Variants in PCDH11X observed in about 807,000 individuals in gnomAD.
The protein encoded by PCDH11X is protocadherin 11 X-linked.
In PCDH11X, 18 loss-of-function variants were observed where a neutral mutation model predicts 53.3. That is an observed-to-expected ratio of 0.34 (90% CI 0.23 to 0.50). PCDH11X has a LOEUF of 0.50. Ranked by LOEUF, PCDH11X falls within the 20% of genes least tolerant of loss-of-function variation. The pLI is 0.98. For synonymous variants in PCDH11X, 279 were observed against 393.3 expected, an observed-to-expected ratio of 0.71 and a Z score of 3.44; for missense variants, 570 against 1,032.4, an observed-to-expected ratio of 0.55 and a Z score of 6.14.
chrX:92,396,661 T>C (rs2071253203), intron 9 of PCDH11X, among the ~76,000 whole-genome samples: 1 of 106,743 alleles, frequency 9.4e-6, no homozygotes, highest in Non-Finnish European at 1.9e-5. Context: ...CTGGCCAACA[T>C]GGTGAAACCC....
chrX:92,534,161 T>G (rs1045048075), intron 10 of PCDH11X, among the ~76,000 whole-genome samples: 7 of 108,656 alleles, frequency 6.4e-5, no homozygotes, highest in African/African-American at 2.4e-4. Flanking sequence ...CTTGAAAAAA[T>G]ATTAGACGAA....
intron 6 of PCDH11X, chrX:92,113,866 ATGTCATAGATC>A: frequency 1.7e-6 from 2 of 1,203,191 alleles, no homozygotes; most frequent in Non-Finnish European, 1.1e-6. Context: ...CTTTTGGAAT[ATGTCATAGATC>A]TGGTCCTTGA....
intron 8 of PCDH11X, among the ~76,000 whole-genome samples, chrX:92,338,364 T>C (rs1266766162): frequency 1.9e-4 from 21 of 111,736 alleles, no homozygotes; most frequent in Non-Finnish European, 1.3e-4. Context: ...TTCGCAGCTG[T>C]GGACTGTCAC....
chrX:91,883,534 G>T (rs761412940), intron 6 of PCDH11X: 42 of 747,310 alleles, frequency 5.6e-5, no homozygotes, highest in Non-Finnish European at 6.6e-5. Context: ...GGCCGGGCGC[G>T]GTGGCTCACG....
intron 9 of PCDH11X, among the ~76,000 whole-genome samples, chrX:92,401,118 C>A (rs2071379191): frequency 9.3e-6 from 1 of 107,967 alleles, no homozygotes; most frequent in Middle Eastern, 4.7e-3. Flanking sequence ...ATAGCACCAG[C>A]AATAATAAAT....
chrX:92,061,362 T>C (rs2063522391), intron 6 of PCDH11X, among the ~76,000 whole-genome samples: 2 of 111,830 alleles, frequency 1.8e-5, no homozygotes, highest in South Asian at 7.4e-4. Flanking sequence ...AACTTTTGAT[T>C]TATTTCATTT....
At chrX:91,782,505 A>G (rs1935185021) in intron 1 of PCDH11X, among the ~76,000 whole-genome samples, 1 of 111,178 alleles carries the variant, frequency 9.0e-6, no homozygotes, top group Non-Finnish European at 1.9e-5. Context: ...CTCTTTAAAA[A>G]AAAACCCCGT....
intron 6 of PCDH11X, among the ~76,000 whole-genome samples, chrX:92,021,884 G>A (rs757904512): frequency 1.8e-5 from 2 of 108,550 alleles, no homozygotes; most frequent in South Asian, 8.8e-4. Flanking sequence ...TTAAAAAAAA[G>A]CATTTTCAAC....
chrX:91,911,967 T>C (rs1941385439), intron 6 of PCDH11X, among the ~76,000 whole-genome samples: 1 of 111,477 alleles, frequency 9.0e-6, no homozygotes, highest in Non-Finnish European at 1.9e-5. Flanking sequence ...CTTTCATCAG[T>C]GTTTTATAGT....
chrX:91,873,965 C>T (rs1939459527), intron 5 of PCDH11X, among the ~76,000 whole-genome samples: 1 of 110,661 alleles, frequency 9.0e-6, no homozygotes, highest in Non-Finnish European at 1.9e-5. Flanking sequence ...TTTCTTTCAC[C>T]TTAACTAGAA....
At chrX:92,412,505 AATAGTATAT>A (rs1213894543) in intron 9 of PCDH11X, among the ~76,000 whole-genome samples, 191 of 63,242 alleles carry the variant, frequency 3.0e-3, no homozygotes, top group African/African-American at 9.5e-3. Context: ...AAATAAAGAA[AATAGTATAT>A]ATATATATAT....
intron 10 of PCDH11X, among the ~76,000 whole-genome samples, chrX:92,473,835 G>T (rs1257098070): frequency 9.0e-6 from 1 of 111,393 alleles, no homozygotes; most frequent in Non-Finnish European, 1.9e-5. Flanking sequence ...TGACTTTTTT[G>T]AATGTTTTAA....
At chrX:91,843,261 TTA>T (rs780705174) in intron 5 of PCDH11X, among the ~76,000 whole-genome samples, 1,065 of 57,369 alleles carry the variant, frequency 0.019, 5 homozygotes, top group Non-Finnish European at 0.027. Context: ...ACATACATAC[TTA>T]TGTGTGTGTG....
At chrX:92,129,937 C>G (rs2064940652) in intron 6 of PCDH11X, among the ~76,000 whole-genome samples, 1 of 111,725 alleles carries the variant, frequency 9.0e-6, no homozygotes, top group South Asian at 3.7e-4. Context: ...ATAGTTTGTA[C>G]TTTTCGTGAG....
At chrX:92,336,948 G>T in intron 8 of PCDH11X, among the ~76,000 whole-genome samples, 1 of 111,078 alleles carries the variant, frequency 9.0e-6, no homozygotes, top group East Asian at 2.8e-4. Context: ...CACTGGAGGG[G>T]TTGATAGGCT....
chrX:92,147,810 C>CTTTCTCT (rs1556065506), intron 6 of PCDH11X, among the ~76,000 whole-genome samples: 1 of 70,198 alleles, frequency 1.4e-5, no homozygotes, highest in Non-Finnish European at 2.6e-5. Flanking sequence ...TTTCTTCCTT[C>CTTTCTCT]CTTTCTTTCT....
intron 10 of PCDH11X, among the ~76,000 whole-genome samples, chrX:92,508,500 C>T (rs1209555125): frequency 6.3e-5 from 7 of 111,599 alleles, no homozygotes; most frequent in South Asian, 3.7e-4. Flanking sequence ...GAATTACAGG[C>T]GTGAGCCACT....
At chrX:91,793,622 C>A (rs1436015132) in intron 1 of PCDH11X, among the ~76,000 whole-genome samples, 1 of 111,229 alleles carries the variant, frequency 9.0e-6, no homozygotes, top group Non-Finnish European at 1.9e-5. Flanking sequence ...TTTCGGAAAC[C>A]AGAGTCAAAC....
chrX:91,834,683 A>G (rs751555543), intron 4 of PCDH11X: 1 of 110,022 alleles, frequency 9.1e-6, no homozygotes, highest in South Asian at 3.8e-4. Context: ...ACCTCCAAAG[A>G]TATGGAATAC....
Sources: gnomAD v4.1 joint callset for allele counts (sites outside exome capture counted in the v4.1 genomes callset) on GRCh38, gnomAD v4.1.1 for gene constraint, MANE v1.5 for transcripts, NCBI Gene and HGNC (gene_info 2026-07-23, HGNC 2026-07-21) for gene names.